The following PDZK1 variants were observed in gnomAD, a reference collection of about 807,000 sequenced individuals.
PDZK1 encodes Na(+)/H(+) exchange regulatory cofactor NHE-RF3.
In PDZK1, 23 loss-of-function variants were observed where a neutral mutation model predicts 38.1. The ratio of observed to expected loss-of-function variants is 0.60; its 90% CI spans 0.43 to 0.85. PDZK1 has a LOEUF of 0.85. Ranked by LOEUF, PDZK1 falls within the 40% of genes least tolerant of loss-of-function variation. PDZK1 has a pLI of 0.00. For missense variants in PDZK1, 297 were observed against 504.3 expected, an observed-to-expected ratio of 0.59 and a Z score of 3.94; for synonymous variants, 98 against 186.2, an observed-to-expected ratio of 0.53 and a Z score of 3.86.
chr1:145,687,670 A>C, intron 2 of PDZK1, 142 bp downstream of exon 2: 7 of 689,832 alleles, frequency 1.0e-5, no homozygotes, highest in Non-Finnish European at 1.8e-5. Flanking sequence ...GGCCAACACA[A>C]GGTACAGCAA....
intron 3 of PDZK1, among the ~76,000 whole-genome samples, chr1:145,684,143 G>A (rs2784302): frequency 1.3e-5 from 2 of 151,016 alleles, no homozygotes; most frequent in Non-Finnish European, 2.9e-5. Context: ...CACTGTGCCC[G>A]GCCACTTTAC....
chr1:145,692,892 G>A (rs1655338906), intron 1 of PDZK1, among the ~76,000 whole-genome samples: 1 of 151,678 alleles, frequency 6.6e-6, no homozygotes. Flanking sequence ...AAAAAAATTA[G>A]CTGGGTGTGG....
intron 1 of PDZK1, among the ~76,000 whole-genome samples, chr1:145,700,610 T>G (rs587665712): frequency 6.6e-6 from 1 of 152,274 alleles, no homozygotes; most frequent in African/African-American, 2.4e-5. Flanking sequence ...AACAGCATTC[T>G]GCTTGGAGGG....
intron 6 of PDZK1, among the ~76,000 whole-genome samples, 197 bp downstream of exon 6, chr1:145,678,252 G>C: frequency 3.3e-5 from 1 of 29,878 alleles, no homozygotes; most frequent in African/African-American, 1.4e-4. Flanking sequence ...TTAAGACCAA[G>C]GACTTAAAAC....
At chr1:145,683,120 A>ATCCAATGGTAAAGACTT (rs1553700733) in intron 3 of PDZK1, among the ~76,000 whole-genome samples, 3 of 152,216 alleles carry the variant, frequency 2.0e-5, no homozygotes, top group Non-Finnish European at 4.4e-5. Flanking sequence ...AAAACTCGAA[A>ATCCAATGGTAAAGACTT]TCCAATGGTA....
intron 3 of PDZK1, among the ~76,000 whole-genome samples, chr1:145,684,295 G>T (rs1253914904): frequency 7.2e-6 from 1 of 139,374 alleles, no homozygotes; most frequent in Non-Finnish European, 1.5e-5. Context: ...TGCAACCTCC[G>T]CCTCCCGGGT....
rs1284299 is a variant in PDZK1, at chr1:145,688,435, T to A, written c.-2-412A>T. On this transcript the variant is annotated intron_variant, in intron 1 of 8. Transcript: ENST00000417171. ...ATCGAGGTTAAATCTGTAGACAAGA[T>A]GGACCCATACCTTGCCTCTTCTATT... is the stretch of plus-strand genomic sequence containing the variant. Among the ~76,000 whole-genome samples the A allele has an allele frequency of 3.2e-3, 489 of 152,292 alleles. 3 individuals are homozygous for A. The highest frequency in any genetic ancestry group is 0.012 in the African/African-American group (478 of 41,558).
intron 1 of PDZK1, among the ~76,000 whole-genome samples, chr1:145,703,828 T>TC (rs1656102524): frequency 6.7e-6 from 1 of 149,534 alleles, no homozygotes; most frequent in Non-Finnish European, 1.5e-5. Context: ...AAGATAAGCT[T>TC]TTTTTTTTTG....
intron 1 of PDZK1, among the ~76,000 whole-genome samples, chr1:145,695,087 T>C (rs1259631393): frequency 6.6e-6 from 1 of 151,816 alleles, no homozygotes; most frequent in Non-Finnish European, 1.5e-5. Context: ...GAGACCATTT[T>C]AGACACCAAT....
At chr1:145,684,116 G>A (rs1368165531) in intron 3 of PDZK1, among the ~76,000 whole-genome samples, 5 of 151,414 alleles carry the variant, frequency 3.3e-5, no homozygotes, top group African/African-American at 1.2e-4. Flanking sequence ...CAAAGCGCTA[G>A]GATTACAGAT....
At chr1:145,705,665 G>T (rs1656204158) in intron 1 of PDZK1, among the ~76,000 whole-genome samples, 1 of 152,160 alleles carries the variant, frequency 6.6e-6, no homozygotes, top group Non-Finnish European at 1.5e-5. Context: ...CCAAGTGACT[G>T]CAATTTGTTT....
intron 6 of PDZK1, among the ~76,000 whole-genome samples, chr1:145,675,087 A>G (rs1385235363): frequency 6.6e-6 from 1 of 151,728 alleles, no homozygotes; most frequent in African/African-American, 2.4e-5. Context: ...TGTCACTTCT[A>G]TTATGCCAAA....
At chr1:145,674,715 T>C (rs1553698968) in intron 6 of PDZK1, among the ~76,000 whole-genome samples, 1 of 152,116 alleles carries the variant, frequency 6.6e-6, no homozygotes, top group Admixed American at 6.5e-5. Flanking sequence ...GGAGCCACAC[T>C]ACTGGCATCC....
chr1:145,683,936 T>C (rs1265835520), intron 3 of PDZK1, among the ~76,000 whole-genome samples: 1 of 149,836 alleles, frequency 6.7e-6, no homozygotes, highest in Non-Finnish European at 1.5e-5. Context: ...AACCTCTGCC[T>C]CCCCGGTTCA....
At chr1:145,676,412 G>A (rs1653674623) in intron 6 of PDZK1, among the ~76,000 whole-genome samples, 1 of 151,716 alleles carries the variant, frequency 6.6e-6, no homozygotes, top group African/African-American at 2.4e-5. Flanking sequence ...TGGCTTCTCT[G>A]GTCCTGTTGT....
At chr1:145,685,893 G>A (rs2799112) in intron 3 of PDZK1, among the ~76,000 whole-genome samples, 7 of 152,240 alleles carry the variant, frequency 4.6e-5, no homozygotes, top group African/African-American at 9.6e-5. Flanking sequence ...TCAAAGATGC[G>A]CCTCAGAACA....
At chr1:145,679,237 A>G (rs1654006794) in intron 5 of PDZK1, among the ~76,000 whole-genome samples, 1 of 149,466 alleles carries the variant, frequency 6.7e-6, no homozygotes. Context: ...CCAACAAAAT[A>G]TCTCATAGAT....
At chr1:145,694,007 G>A (rs1655468736) in intron 1 of PDZK1, among the ~76,000 whole-genome samples, 1 of 152,182 alleles carries the variant, frequency 6.6e-6, no homozygotes. Context: ...CAGTGCCCCA[G>A]CCAGCAGGAT....
In PDZK1 at chr1:145,682,505, C is replaced by T. The variant is rs1654359334; in HGVS notation, c.592G>A (p.Glu198Lys). The T allele has an allele frequency of 6.3e-7, 1 of 1,594,840 alleles. No homozygotes were observed. Among genetic ancestry groups the T allele is most frequent in the Non-Finnish European group, 8.6e-7 (1 of 1,167,358 alleles). Residue 198 changes from glutamate to lysine, a missense_variant, in exon 4 of 9, where the codon GAA (glutamate) becomes AAA (lysine). Transcript: ENST00000417171. ...VEDASHEEVV[E>K]KVKKSGSRVM... is the part of the protein sequence containing the mutation. Reference sequence around the variant, plus strand: ...AAGTACCCTTTGGGGCATACCTTTTCAACCACTTCCTCATGGCTGGCATCC... The same window carrying T: ...AAGTACCCTTTGGGGCATACCTTTTTAACCACTTCCTCATGGCTGGCATCC...
Sources: allele counts gnomAD v4.1 joint callset (sites outside exome capture counted in the v4.1 genomes callset), GRCh38; gene constraint gnomAD v4.1.1; transcripts MANE v1.5; gene names NCBI Gene and HGNC (gene_info 2026-07-23, HGNC 2026-07-21).